Variants in ARHGEF10L observed in about 807,000 individuals in gnomAD.
The protein encoded by ARHGEF10L is Rho guanine nucleotide exchange factor 10 like.
A neutral mutation model predicts 141.2 loss-of-function variants in ARHGEF10L; 69 were observed. That is an observed-to-expected ratio of 0.49 (90% CI 0.40 to 0.60). The LOEUF (loss-of-function observed/expected upper bound fraction) is 0.60. ARHGEF10L is among the 20% of genes least tolerant of loss of function. ARHGEF10L has a pLI of 0.00. For synonymous variants in ARHGEF10L, 711 were observed against 718.5 expected (o/e 0.99, Z 0.17); for missense variants, 1,482 against 1,734.3 (o/e 0.85, Z 2.58).
the ARHGEF10L span, among the ~76,000 whole-genome samples, chr1:17,529,481 C>T: frequency 2.0e-5 from 3 of 152,224 alleles, no homozygotes; most frequent in Admixed American, 1.3e-4. Context: ...CACCTCCACA[C>T]AGGTGCTGTG....
At chr1:17,588,334 C>A (rs2079203829) in intron 3 of ARHGEF10L, 112 bp from the exon 4 acceptor site, 3 of 1,225,566 alleles carry the variant, frequency 2.4e-6, no homozygotes, top group Non-Finnish European at 3.6e-6. Context: ...CCCAGACTGG[C>A]CAGGCCCTGT....
rs1213521806 is a variant in ARHGEF10L at position 17,603,492 on chromosome 1, C to T, written c.350-16C>T. 6.2e-7 allele frequency: 1 copy of T among 1,610,666 alleles called. No individual in the cohort carries two copies. Among genetic ancestry groups the T allele is most frequent in the Non-Finnish European group, 8.5e-7 (1 of 1,178,122 alleles). ...ACAGCCCACGGTGGTGCTCTCTCTC[C>T]CCACTTCCCTCCCAGTTGACCGGTT... is the stretch of plus-strand genomic sequence containing the variant. On this transcript the variant is annotated splice_polypyrimidine_tract_variant and intron_variant, in intron 5 of 28. Transcript: ENST00000361221. The surrounding 1 kb of genome is among the most constrained non-coding windows in gnomAD (Gnocchi z 4.8).
Position 17,616,224 on chromosome 1 carries a change from A to G in ARHGEF10L, c.835+22A>G, listed in dbSNP as rs199934128. ...CTCGGTGAGGCGCTGCCCGAGCGGG[A>G]GGGTCTGGTGCCCAGCTCTGACTGG... is the stretch of plus-strand genomic sequence containing the variant. On this transcript the variant is annotated intron_variant, in intron 9 of 28. Transcript: ENST00000361221. The G allele has an allele frequency of 4.2e-5, 39 of 917,834 alleles. No individual in the cohort carries two copies. In the African/African-American group the frequency reaches 5.8e-4, roughly 14 times the overall value. The allele number at this position is 917,834 out of a possible 1,614,324, so 56.9% of individuals were successfully genotyped here.
chr1:17,566,825 TC>T (rs1211724535), intron 1 of ARHGEF10L, among the ~76,000 whole-genome samples: 2 of 152,106 alleles, frequency 1.3e-5, no homozygotes, highest in Non-Finnish European at 2.9e-5. Flanking sequence ...CTCGAGTGCT[TC>T]CTGGGGCACA....
At chr1:17,638,142 A>G (rs1459593737) in intron 19 of ARHGEF10L, 139 bp downstream of exon 19, 1 of 781,992 alleles carries the variant, frequency 1.3e-6, no homozygotes, top group Non-Finnish European at 2.0e-6. Context: ...CCTGTTGGCA[A>G]CTGTCGCTGC....
intron 7 of ARHGEF10L, among the ~76,000 whole-genome samples, chr1:17,610,953 T>G (rs535733482): frequency 4.0e-5 from 6 of 150,450 alleles, no homozygotes; most frequent in East Asian, 3.9e-4. Context: ...GATCTGTGGT[T>G]TTTTTTTTTT....
intron 26 of ARHGEF10L, among the ~76,000 whole-genome samples, chr1:17,686,106 C>CTTTCTTTCTTTCTTTCTTTCTT (rs1217247937): frequency 1.0e-5 from 1 of 99,356 alleles, no homozygotes; most frequent in African/African-American, 4.3e-5. Flanking sequence ...TTCTTTCTTT[C>CTTTCTTTCTTTCTTTCTTTCTT]TTTTTTTTTT....
At chr1:17,568,615 C>T (rs1169451452) in intron 1 of ARHGEF10L, among the ~76,000 whole-genome samples, 26 of 152,152 alleles carry the variant, frequency 1.7e-4, no homozygotes, top group Admixed American at 1.7e-3. Flanking sequence ...GCTTGAAGCT[C>T]ATTACACCCA....
intron 9 of ARHGEF10L, chr1:17,618,244 C>G: frequency 1.5e-6 from 2 of 1,326,136 alleles, no homozygotes; most frequent in African/African-American, 3.1e-5. Context: ...CTGGCTAGGG[C>G]TCTCCTCAGC....
At chr1:17,557,048 AAAAAG>A (rs1223847342) in intron 1 of ARHGEF10L, among the ~76,000 whole-genome samples, 198 of 151,738 alleles carry the variant, frequency 1.3e-3, no homozygotes, top group African/African-American at 4.5e-3. Context: ...AAAAAAAAAA[AAAAAG>A]AAAATGTGGC....
intron 15 of ARHGEF10L, 140 bp from the exon 16 acceptor site, chr1:17,632,181 G>T (rs772496887): frequency 1.8e-5 from 19 of 1,054,852 alleles, no homozygotes; most frequent in Non-Finnish European, 2.5e-5. Context: ...GTCACCCAGG[G>T]ATGGAGGGAG....
In ARHGEF10L at chr1:17,601,824, G is replaced by T. The variant is rs929455024; in HGVS notation, c.258-303G>T. Among the ~76,000 whole-genome samples the T allele has an allele frequency of 3.3e-5, 5 of 152,302 alleles. No individual in the cohort carries two copies. The South Asian group carries it at 6.2e-4, about 19-fold the overall frequency. Reference sequence around the variant, plus strand: ...TATGTGGGAGAGTGGAGAGGTGGAGGTTCCCTTTGAGTCTGCACTAGGGAG... The same window carrying T: ...TATGTGGGAGAGTGGAGAGGTGGAGTTTCCCTTTGAGTCTGCACTAGGGAG... On this transcript the variant is annotated intron_variant, in intron 4 of 28. Coordinates refer to ENST00000361221, the MANE Select transcript of ARHGEF10L (RefSeq NM_018125.4).
rs1218963838 is a variant in ARHGEF10L, at chr1:17,621,366, G to A, written c.943-498G>A. Among the ~76,000 whole-genome samples, 4 of 152,168 alleles carry A rather than the reference G, an allele frequency of 2.6e-5. No homozygotes were observed. The highest frequency in any genetic ancestry group is 9.7e-5 in the African/African-American group (4 of 41,434). On this transcript the variant is annotated intron_variant, in intron 10 of 28. Coordinates refer to ENST00000361221, the MANE Select transcript of ARHGEF10L (RefSeq NM_018125.4). This position sits in a 1 kb window ranked among gnomAD's most constrained non-coding sequence, Gnocchi z 4.1. ...TCTTGCTTCAGCCTCCAAAGTAGCT[G>A]GGACTATAGGCGCGTGCCACCACGC...
intron 5 of ARHGEF10L, 146 bp downstream of exon 5, chr1:17,602,364 C>T (rs549535085): frequency 2.2e-5 from 19 of 867,370 alleles, no homozygotes; most frequent in Non-Finnish European, 3.1e-5. Context: ...GAGGACCAAC[C>T]ACCGCCCCCA....
rs535412552 is a variant in ARHGEF10L, at chr1:17,644,413, G to A, written c.2272+4111G>A. 6.6e-6 allele frequency among the ~76,000 whole-genome samples: 1 copy of A among 152,346 alleles called. No homozygotes were observed. The highest frequency in any genetic ancestry group is 6.5e-5 in the Admixed American group (1 of 15,308). On this transcript the variant is annotated intron_variant, in intron 21 of 28. Coordinates refer to ENST00000361221, the MANE Select transcript of ARHGEF10L (RefSeq NM_018125.4). This position sits in a 1 kb window ranked among gnomAD's most constrained non-coding sequence, Gnocchi z 4.5. Reference sequence around the variant, plus strand: ...CCCACACCCTGCAGCTGGAAGGGATGGGTCTCCTCTCCAGGAGTAGGGCCG... The same window carrying A: ...CCCACACCCTGCAGCTGGAAGGGATAGGTCTCCTCTCCAGGAGTAGGGCCG...
chr1:17,632,568 T>A (rs1305471426), intron 16 of ARHGEF10L, 102 bp downstream of exon 16: 1 of 1,494,886 alleles, frequency 6.7e-7, no homozygotes, highest in Non-Finnish European at 9.2e-7. Context: ...GGACCCCATG[T>A]GAGCTTGGTT....
At chr1:17,688,681 G>C (rs540038207) in intron 27 of ARHGEF10L, among the ~76,000 whole-genome samples, 1 of 152,204 alleles carries the variant, frequency 6.6e-6, no homozygotes, top group South Asian at 2.1e-4. Flanking sequence ...CCTGGCAGAT[G>C]GGCCATGGCA....
In ARHGEF10L at chr1:17,695,200, G is replaced by A. The variant is rs2065405531; in HGVS notation, c.3227G>A (p.Gly1076Asp). 3 of 1,612,968 alleles carry A rather than the reference G, an allele frequency of 1.9e-6. No homozygotes were observed. The highest frequency in any genetic ancestry group is 2.2e-5 in the East Asian group (1 of 44,878). Reference sequence around the variant, plus strand: ...GTCACCAGCCTCCTGATCTGCCAGGGTCTGCTCTGGGTGGGCACTGACCAG... The same window carrying A: ...GTCACCAGCCTCCTGATCTGCCAGGATCTGCTCTGGGTGGGCACTGACCAG... ...LCVTSLLICQ[G>D]LLWVGTDQGV... Residue 1076 changes from glycine (G) to aspartate (D), a missense_variant, in exon 28 of 29, where the codon GGT becomes GAT. Gly to Asp is a moderately conservative substitution (Grantham distance 94). Coordinates refer to ENST00000361221, the MANE Select transcript of ARHGEF10L (RefSeq NM_018125.4).
chr1:17,549,209 G>C (rs2077024687), intron 1 of ARHGEF10L, among the ~76,000 whole-genome samples: 1 of 151,150 alleles, frequency 6.6e-6, no homozygotes, highest in African/African-American at 2.4e-5. Flanking sequence ...TTTTAGTAGA[G>C]ATGGGGTTTC....
Sources: allele counts gnomAD v4.1 joint callset (sites outside exome capture counted in the v4.1 genomes callset), GRCh38; gene constraint gnomAD v4.1.1; non-coding constraint Gnocchi (gnomAD v3.1); transcripts MANE v1.5; gene names NCBI Gene and HGNC (gene_info 2026-07-23, HGNC 2026-07-21).